The following SND1 variants were observed in gnomAD, a reference collection of about 807,000 sequenced individuals.
The protein encoded by SND1 is staphylococcal nuclease and tudor domain containing 1, also known as staphylococcal nuclease domain-containing protein 1.
A neutral mutation model predicts 121.7 loss-of-function variants in SND1; 38 were observed. The ratio of observed to expected loss-of-function variants is 0.31; its 90% CI spans 0.24 to 0.41. The LOEUF is 0.41. Ranked by LOEUF, SND1 falls within the 10% of genes least tolerant of loss-of-function variation. SND1 has a pLI of 1.00. For missense variants in SND1, 868 were observed against 1,184.6 expected (o/e 0.73, Z 3.92); for synonymous variants, 401 against 447.4 (o/e 0.90, Z 1.31).
At chr7:127,852,232 C>A (rs538462199) in intron 12 of SND1, among the ~76,000 whole-genome samples, 1 of 151,918 alleles carries the variant, frequency 6.6e-6, no homozygotes, top group East Asian at 1.9e-4. Context: ...AGATGGCTCA[C>A]GTCTGTAATC....
rs752370378 is a variant in SND1 at position 127,694,982 on chromosome 7, G to C, written c.349+34G>C. On this transcript the variant is annotated intron_variant, in intron 3 of 23. Coordinates refer to ENST00000354725, the MANE Select transcript of SND1 (RefSeq NM_014390.4). ...CAGGGAGAGGACTCATTTCTCTCAA[G>C]TCTAAAGTTCTGTTAAAGATCAGTT... is the stretch of plus-strand genomic sequence containing the variant. The C allele has an allele frequency of 6.9e-6, 11 of 1,600,902 alleles. No individual in the cohort carries two copies. The African/African-American group carries it at 1.3e-4, about 20-fold the overall frequency.
chr7:127,708,299 G>A lies in SND1; in HGVS notation c.1038+652G>A, dbSNP rs1049840742. Among the ~76,000 whole-genome samples the A allele has an allele frequency of 2.0e-5, 3 of 152,158 alleles. No individual in the cohort carries two copies. The East Asian group carries it at 5.8e-4, about 29-fold the overall frequency. On this transcript the variant is annotated intron_variant, in intron 9 of 23. Coordinates refer to ENST00000354725, the MANE Select transcript of SND1 (RefSeq NM_014390.4). ...CCTAACCTAAGGTAGGTTAGGCCAA[G>A]CTGTGATGTTTGGTAGGTTGTATTA...
chr7:127,715,781 A>G (rs1796377892), intron 9 of SND1, among the ~76,000 whole-genome samples: 2 of 152,172 alleles, frequency 1.3e-5, no homozygotes, highest in Admixed American at 1.3e-4. Context: ...TTGAGAAATC[A>G]TTGCCAAATC....
chr7:127,654,484 C>T (rs990138709), intron 1 of SND1, among the ~76,000 whole-genome samples: 1 of 152,128 alleles, frequency 6.6e-6, no homozygotes, highest in African/African-American at 2.4e-5. Context: ...TTCATGACTC[C>T]AGGGTATTAA....
chr7:127,816,495 T>G (rs1056061344), intron 11 of SND1, among the ~76,000 whole-genome samples: 1 of 152,146 alleles, frequency 6.6e-6, no homozygotes, highest in Non-Finnish European at 1.5e-5. Flanking sequence ...ACAAGTGGGC[T>G]GGGCTGAAGA....
intron 15 of SND1, among the ~76,000 whole-genome samples, chr7:127,985,578 A>G (rs1215672559): frequency 6.6e-6 from 1 of 152,220 alleles, no homozygotes; most frequent in African/African-American, 2.4e-5. Context: ...TCTTAACATT[A>G]TGCAACATAT....
At chr7:127,844,967 G>T (rs1799032725) in intron 12 of SND1, among the ~76,000 whole-genome samples, 2 of 152,180 alleles carry the variant, frequency 1.3e-5, no homozygotes, top group Non-Finnish European at 2.9e-5. Context: ...GAGGAAGCCT[G>T]CTGGGCCCTG....
Position 128,085,922 on chromosome 7 carries a change from GC to G in SND1, c.2304+144del. 1 of 735,974 alleles carries G rather than the reference GC, an allele frequency of 1.4e-6. No homozygotes were observed. The highest frequency in any genetic ancestry group is 2.3e-6 in the Non-Finnish European group (1 of 442,308). The allele number at this position is 735,974 out of a possible 1,614,324, so 45.6% of individuals were successfully genotyped here. On this transcript the variant is annotated intron_variant, in intron 20 of 23. Coordinates refer to ENST00000354725, the MANE Select transcript of SND1 (RefSeq NM_014390.4). The surrounding 1 kb of genome is among the most constrained non-coding windows in gnomAD (Gnocchi z 4.4). The stretch of plus-strand genomic sequence containing the variant: ...GGCATCTCTGCTGTGCGTGTAACAG[GC>G]CAGGCCCCCTCAGTGACCTGGCAAA...
In SND1 at chr7:128,085,686, A is replaced by T. The variant is rs888909977; in HGVS notation, c.2235-25A>T. 29 of 1,611,540 alleles carry T rather than the reference A, an allele frequency of 1.8e-5. No individual in the cohort carries two copies. Among genetic ancestry groups the T allele is most frequent in the Non-Finnish European group, 2.2e-5 (26 of 1,177,950 alleles). On this transcript the variant is annotated intron_variant, in intron 19 of 23. Transcript: ENST00000354725. This position sits in a 1 kb window ranked among gnomAD's most constrained non-coding sequence, Gnocchi z 4.4. ...CCAGAGTCCTCAGGGCTGTCTCTTG[A>T]GCTCTGCCCATGATGCCATTGCAGG...
rs750419682 is a variant in SND1 at position 128,091,975 on chromosome 7, GTC to G, written c.2668-16_2668-15del. 11 of 1,614,202 alleles carry G rather than the reference GTC, an allele frequency of 6.8e-6. No individual in the cohort carries two copies. The South Asian group carries it at 1.2e-4, about 18-fold the overall frequency. ...GGTCCCGTATCCCTGAAGAGCTATT[GTC>G]TGTTTTTTCTTACAGCTGAACCTGT... On this transcript the variant is annotated splice_polypyrimidine_tract_variant and intron_variant, in intron 23 of 23. Coordinates refer to ENST00000354725, the MANE Select transcript of SND1 (RefSeq NM_014390.4).
Position 127,696,436 on chromosome 7 carries a change from T to C in SND1, c.349+1488T>C, listed in dbSNP as rs562652012. 7.2e-5 allele frequency among the ~76,000 whole-genome samples: 11 copies of C among 152,332 alleles called. No individual in the cohort carries two copies. In the East Asian group the frequency reaches 1.9e-3, roughly 27 times the overall value. The stretch of plus-strand genomic sequence containing the variant: ...GTTTGCTTTTTACCCGTAATTCTTA[T>C]AATATAGTAAGAAACAAAACGCTTA... On this transcript the variant is annotated intron_variant, in intron 3 of 23. Coordinates refer to ENST00000354725, the MANE Select transcript of SND1 (RefSeq NM_014390.4).
intron 15 of SND1, among the ~76,000 whole-genome samples, chr7:127,972,155 A>C (rs1421245169): frequency 1.3e-5 from 2 of 152,212 alleles, no homozygotes; most frequent in East Asian, 3.8e-4. Context: ...AACACTCCAC[A>C]GGACCCTCCT....
chr7:127,968,490 T>C (rs894023229), intron 15 of SND1, among the ~76,000 whole-genome samples: 6 of 152,216 alleles, frequency 3.9e-5, no homozygotes, highest in African/African-American at 1.4e-4. Context: ...GAGTTTCTTT[T>C]TGTAAGGTTT....
At chr7:127,697,690 T>A (rs1466409300) in intron 3 of SND1, among the ~76,000 whole-genome samples, 8 of 152,126 alleles carry the variant, frequency 5.3e-5, no homozygotes, top group Non-Finnish European at 1.0e-4. Flanking sequence ...TATAAACTTC[T>A]CAGTTCAACT....
intron 15 of SND1, among the ~76,000 whole-genome samples, chr7:127,941,895 T>G (rs939598984): frequency 6.9e-6 from 1 of 144,550 alleles, no homozygotes; most frequent in African/African-American, 2.6e-5. Flanking sequence ...GGGAGTTTTT[T>G]TTTTTTTTTT....
intron 17 of SND1, among the ~76,000 whole-genome samples, chr7:128,079,103 C>T (rs982196071): frequency 5.3e-5 from 8 of 152,224 alleles, no homozygotes; most frequent in Non-Finnish European, 1.0e-4. Context: ...GAGCTGCAAG[C>T]GTCCCAGAAG....
At chr7:127,967,209 CAAT>C (rs1801872959) in intron 15 of SND1, among the ~76,000 whole-genome samples, 2 of 152,128 alleles carry the variant, frequency 1.3e-5, no homozygotes, top group South Asian at 4.1e-4. Flanking sequence ...GAAACGGAGG[CAAT>C]ACTGAAAGCA....
intron 14 of SND1, among the ~76,000 whole-genome samples, chr7:127,922,199 T>TTTTTTTTTTTTGTTTTTTTG (rs1554443300): frequency 2.1e-5 from 2 of 93,498 alleles, no homozygotes; most frequent in African/African-American, 8.6e-5. Context: ...TTTTTTTTTT[T>TTTTTTTTTTTTGTTTTTTTG]TTTTGTTTTG....
chr7:127,916,634 G>A (rs1472287447), intron 14 of SND1, among the ~76,000 whole-genome samples: 1 of 152,116 alleles, frequency 6.6e-6, no homozygotes, highest in East Asian at 1.9e-4. Context: ...AAACGTTGCC[G>A]CCCAAGCTGT....
Sources: allele counts gnomAD v4.1 joint callset (sites outside exome capture counted in the v4.1 genomes callset), GRCh38; gene constraint gnomAD v4.1.1; non-coding constraint Gnocchi (gnomAD v3.1); transcripts MANE v1.5; gene names NCBI Gene and HGNC (gene_info 2026-07-23, HGNC 2026-07-21).